The following PCLO variants were observed in gnomAD, a reference collection of about 807,000 sequenced individuals.
The protein encoded by PCLO is protein piccolo.
In PCLO, 82 loss-of-function variants were observed where a neutral mutation model predicts 427.5. That is an observed-to-expected ratio of 0.19 (90% CI 0.16 to 0.23). PCLO has a LOEUF of 0.23. PCLO is among the 10% of genes least tolerant of loss of function. The pLI, the probability that PCLO is intolerant of heterozygous loss-of-function variation, is 1.00. For synonymous variants in PCLO, 2,357 were observed against 2,155.4 expected, an observed-to-expected ratio of 1.09 and a Z score of -2.59; for missense variants, 6,239 against 6,115.9, an observed-to-expected ratio of 1.02 and a Z score of -0.67.
At chr7:82,807,705 G>A (rs576444004) in intron 20 of PCLO, among the ~76,000 whole-genome samples, 2 of 152,068 alleles carry the variant, frequency 1.3e-5, no homozygotes, top group African/African-American at 4.8e-5. Context: ...CGAGAATAGG[G>A]AACAAGAAAG....
chr7:83,105,580 A>G (rs946098408), intron 3 of PCLO, among the ~76,000 whole-genome samples: 4 of 152,196 alleles, frequency 2.6e-5, no homozygotes, highest in Non-Finnish European at 4.4e-5. Flanking sequence ...TGAACCCTGG[A>G]AAGTTACAGT....
intron 17 of PCLO, 99 bp from the exon 18 acceptor site, chr7:82,826,759 C>T: frequency 1.7e-6 from 1 of 602,030 alleles, no homozygotes. Context: ...CCTTAAACTC[C>T]TTCCATTTAT....
chr7:82,936,135 C>A (rs1229257099), intron 6 of PCLO, among the ~76,000 whole-genome samples: 2 of 151,598 alleles, frequency 1.3e-5, no homozygotes, highest in Non-Finnish European at 3.0e-5. Context: ...CTCAGGTGCA[C>A]TTGGAAGAGT....
Position 82,965,775 on chromosome 7 carries a change from T to C in PCLO, c.4013A>G (p.Lys1338Arg). ...AGTTAGTAAAATTTAACTTACTGTT[T>C]TTTCTTTCCCAGGTTCCACCTGATC... Reference protein sequence around the residue: ...KPDQVEPGKEKTEKEDDKSDT... With the variant: ...KPDQVEPGKERTEKEDDKSDT... The change falls in exon 4 of 25, where the codon AAA (lysine) becomes AGA (arginine). Residue 1338 changes from lysine (K) to arginine (R), a missense_variant. Transcript: ENST00000333891. 6.3e-7 allele frequency: 1 copy of C among 1,579,680 alleles called. No individual in the cohort carries two copies.
chr7:82,980,647 C>A (rs1174750520), intron 3 of PCLO, among the ~76,000 whole-genome samples: 2 of 152,094 alleles, frequency 1.3e-5, no homozygotes, highest in Non-Finnish European at 2.9e-5. Flanking sequence ...CCTCCCTAGG[C>A]TACTTGCATT....
chr7:82,914,966 G>A lies in PCLO; in HGVS notation c.13020C>T (p.Thr4340=). 1 of 1,613,658 alleles carries A rather than the reference G, an allele frequency of 6.2e-7. No homozygotes were observed. The highest frequency in any genetic ancestry group is 1.7e-4 in the Middle Eastern group (1 of 6,060). The change falls in exon 7 of 25, where the codon ACC becomes ACT. Residue 4340 remains threonine, a synonymous_variant. Coordinates refer to ENST00000333891, the MANE Select transcript of PCLO (RefSeq NM_033026.6). ...HASSSARTKP[T]SLPISQSRGR... ...CTCTACTTTGACTAATTGGCAAACT[G>A]GTCGGCTTAGTTCTGGCAGAGGATG...
chr7:82,765,743 A>G (rs1253723535), intron 22 of PCLO, among the ~76,000 whole-genome samples: 1 of 152,018 alleles, frequency 6.6e-6, no homozygotes, highest in Non-Finnish European at 1.5e-5. Flanking sequence ...TGGTCACTTA[A>G]CCATTTTAAA....
At chr7:82,777,727 C>A (rs938913865) in intron 22 of PCLO, among the ~76,000 whole-genome samples, 8 of 152,046 alleles carry the variant, frequency 5.3e-5, no homozygotes, top group Non-Finnish European at 1.0e-4. Context: ...GAAACTGGAC[C>A]CCTTCCTTAC....
At chr7:82,851,790 C>T (rs1316916745) in intron 10 of PCLO, among the ~76,000 whole-genome samples, 2 of 152,170 alleles carry the variant, frequency 1.3e-5, no homozygotes, top group East Asian at 3.9e-4. Flanking sequence ...ATCAGCTGAA[C>T]ATGGCCATCT....
At chr7:82,832,887 G>GA (rs1214616487) in intron 16 of PCLO, among the ~76,000 whole-genome samples, 6 of 148,844 alleles carry the variant, frequency 4.0e-5, no homozygotes, top group African/African-American at 1.5e-4. Flanking sequence ...TCTTAATTTA[G>GA]AAAAAATACA....
intron 3 of PCLO, among the ~76,000 whole-genome samples, chr7:83,117,186 T>A (rs1791156141): frequency 6.6e-6 from 1 of 152,144 alleles, no homozygotes; most frequent in African/African-American, 2.4e-5. Flanking sequence ...TCATTCATTT[T>A]CCTGAGCCTA....
intron 18 of PCLO, among the ~76,000 whole-genome samples, chr7:82,825,752 A>T (rs1791921697): frequency 7.9e-6 from 1 of 127,040 alleles, no homozygotes; most frequent in African/African-American, 2.5e-5. Flanking sequence ...CATTGTATAT[A>T]GACATATATA....
intron 3 of PCLO, among the ~76,000 whole-genome samples, chr7:83,026,876 A>G (rs1369949661): frequency 6.9e-6 from 1 of 145,418 alleles, no homozygotes; most frequent in Non-Finnish European, 1.5e-5. Flanking sequence ...AACGAAATGA[A>G]GGCAGAAATA....
At chr7:82,867,293 A>G (rs1015453286) in intron 10 of PCLO, among the ~76,000 whole-genome samples, 1 of 152,184 alleles carries the variant, frequency 6.6e-6, no homozygotes, top group Non-Finnish European at 1.5e-5. Flanking sequence ...ACTACTTACA[A>G]TATTCTAAGC....
intron 9 of PCLO, among the ~76,000 whole-genome samples, chr7:82,899,289 GAC>G (rs1234201077): frequency 6.6e-6 from 1 of 151,326 alleles, no homozygotes; most frequent in Non-Finnish European, 1.5e-5. Context: ...AGCAGAAAAT[GAC>G]ACAGAGACTA....
At chr7:83,038,447 T>A (rs1036514463) in intron 3 of PCLO, among the ~76,000 whole-genome samples, 61 of 152,014 alleles carry the variant, frequency 4.0e-4, no homozygotes, top group African/African-American at 1.4e-3. Context: ...AATTTGATAA[T>A]GCTGGACATT....
intron 3 of PCLO, among the ~76,000 whole-genome samples, chr7:83,013,212 G>T (rs185001591): frequency 2.8e-3 from 419 of 152,146 alleles, no homozygotes; most frequent in Middle Eastern, 0.014. Flanking sequence ...TTCTGAAGGG[G>T]TCTGATATAA....
At chr7:82,831,535 CTGAATAG>C (rs993826674) in intron 16 of PCLO, among the ~76,000 whole-genome samples, 2 of 152,076 alleles carry the variant, frequency 1.3e-5, no homozygotes, top group African/African-American at 4.8e-5. Context: ...TAGGGAAATT[CTGAATAG>C]TACATCCGAA....
intron 2 of PCLO, among the ~76,000 whole-genome samples, chr7:83,141,185 A>G (rs1311705231): frequency 6.6e-6 from 1 of 152,204 alleles, no homozygotes; most frequent in Non-Finnish European, 1.5e-5. Context: ...ATGGTGGGAG[A>G]AACGGAATAA....
Sources: allele counts gnomAD v4.1 joint callset (sites outside exome capture counted in the v4.1 genomes callset), GRCh38; gene constraint gnomAD v4.1.1; transcripts MANE v1.5; gene names NCBI Gene and HGNC (gene_info 2026-07-23, HGNC 2026-07-21).